Variants in ARSF observed in about 807,000 individuals in gnomAD.
ARSF encodes the protein arylsulfatase F.
ARSF carries 33 observed loss-of-function variants against 35.4 expected under a neutral mutation model. The observed-to-expected ratio is 0.93, with a 90% confidence interval of 0.71 to 1.25. The LOEUF (loss-of-function observed/expected upper bound fraction) is 1.25. ARSF is among the 50% of genes most tolerant of loss of function. ARSF has a pLI of 0.00. For synonymous variants in ARSF, 222 were observed against 193.1 expected (o/e 1.15, Z -1.24); for missense variants, 501 against 480.2 (o/e 1.04, Z -0.40).
chrX:3,042,720 A>T (rs1473136224), intron 1 of ARSF, among the ~76,000 whole-genome samples: 1 of 109,770 alleles, frequency 9.1e-6, no homozygotes, highest in African/African-American at 3.3e-5. Context: ...CTGGTCTCGA[A>T]CTCCTAACCT....
intron 10 of ARSF, among the ~76,000 whole-genome samples, chrX:3,111,879 G>T (rs1333407202): frequency 1.8e-5 from 2 of 109,947 alleles, no homozygotes; most frequent in Non-Finnish European, 3.8e-5. Flanking sequence ...CGCATGCACA[G>T]TTCACAATAG....
chrX:3,062,311 A>G (rs1264073829), intron 1 of ARSF, among the ~76,000 whole-genome samples: 1 of 112,277 alleles, frequency 8.9e-6, no homozygotes, highest in Admixed American at 9.5e-5. Flanking sequence ...CAGTGTGTAG[A>G]GGGAAATTTA....
intron 6 of ARSF, among the ~76,000 whole-genome samples, chrX:3,086,784 C>T (rs1452852578): frequency 1.1e-4 from 12 of 111,615 alleles, no homozygotes; most frequent in African/African-American, 1.6e-4. Context: ...CACCACTGCA[C>T]TCCAGTCTGG....
chrX:3,068,135 T>A (rs1163476864), intron 2 of ARSF, 24 bp downstream of exon 2: 1 of 1,187,768 alleles, frequency 8.4e-7, no homozygotes, highest in East Asian at 3.0e-5. Flanking sequence ...TATACTGCAT[T>A]GTGAGCACAT....
intron 1 of ARSF, among the ~76,000 whole-genome samples, chrX:3,053,920 C>G (rs2090007030): frequency 9.1e-6 from 1 of 109,843 alleles, no homozygotes; most frequent in Non-Finnish European, 1.9e-5. Flanking sequence ...CACCACCACA[C>G]CCGGCTAATT....
At chrX:3,111,236 T>C (rs184533862) in intron 10 of ARSF, among the ~76,000 whole-genome samples, 28 of 111,365 alleles carry the variant, frequency 2.5e-4, no homozygotes, top group Admixed American at 1.2e-3. Context: ...CTTTCATTTA[T>C]AAAAATCAAT....
chrX:3,081,738 T>A lies in ARSF; in HGVS notation c.406+725T>A, dbSNP rs775349034. On this transcript the variant is annotated intron_variant, in intron 5 of 10. Transcript: ENST00000381127. Reference sequence around the variant, plus strand: ...TGCCTGCCCGCATAGTCTCTCACCGTGTATCCTGTCATCTGCCTCTTTATT... The same window carrying A: ...TGCCTGCCCGCATAGTCTCTCACCGAGTATCCTGTCATCTGCCTCTTTATT... 6.5e-4 allele frequency among the ~76,000 whole-genome samples: 72 copies of A among 111,529 alleles called. 1 individual carries two copies. Among genetic ancestry groups the A allele is most frequent in the African/African-American group, 2.3e-3 (70 of 30,714 alleles).
At chrX:3,104,009 C>T in intron 9 of ARSF, 85 bp downstream of exon 9, 2 of 980,332 alleles carry the variant, frequency 2.0e-6, no homozygotes, top group African/African-American at 3.8e-5. Flanking sequence ...CTGACTCTAT[C>T]CTGGCAGACC....
rs182122954 is a variant in ARSF at position 3,053,622 on chromosome X, C to T, written c.-29+11959C>T. 6.4e-5 allele frequency among the ~76,000 whole-genome samples: 7 copies of T among 110,010 alleles called. No individual in the cohort carries two copies. The East Asian group carries it at 2.0e-3, about 31-fold the overall frequency. On this transcript the variant is annotated intron_variant, in intron 1 of 10. Transcript: ENST00000381127. ...TATTTTATTTATTTATTTTTTGAGACAGAGTTTCACTCTTGTCGCCCAGGC... is the reference window on the plus strand; with the variant it reads ...TATTTTATTTATTTATTTTTTGAGATAGAGTTTCACTCTTGTCGCCCAGGC...
rs762573882 is a variant in ARSF at position 3,044,665 on chromosome X, A to C, written c.-29+3002A>C. On this transcript the variant is annotated intron_variant, in intron 1 of 10. Transcript: ENST00000381127. ...AAAACCACACCGTCTGAAGTTAGTC[A>C]TGTTTATCTGTAGTCTCCAATGCTC... 5.4e-4 allele frequency among the ~76,000 whole-genome samples: 59 copies of C among 110,096 alleles called. 1 individual carries two copies. The highest frequency in any genetic ancestry group is 1.9e-3 in the African/African-American group (57 of 30,341).
chrX:3,063,714 A>T lies in ARSF; in HGVS notation c.-28-4359A>T, dbSNP rs762199141. 1.2e-3 allele frequency among the ~76,000 whole-genome samples: 132 copies of T among 111,678 alleles called. 1 individual carries two copies. The highest frequency in any genetic ancestry group is 4.1e-3 in the African/African-American group (126 of 30,753). ...TGAACTCCCATTCACAATTGCTACA[A>T]AGAGAATAAAATACCTAGGAATCCA... On this transcript the variant is annotated intron_variant, in intron 1 of 10. Transcript: ENST00000381127.
intron 1 of ARSF, among the ~76,000 whole-genome samples, chrX:3,056,662 G>A (rs1033977477): frequency 3.6e-5 from 4 of 111,428 alleles, no homozygotes; most frequent in African/African-American, 1.3e-4. Flanking sequence ...TCTTGTTGAA[G>A]AGAATGACCC....
intron 1 of ARSF, among the ~76,000 whole-genome samples, chrX:3,046,724 C>G (rs1251166211): frequency 1.8e-5 from 2 of 111,547 alleles, no homozygotes; most frequent in East Asian, 2.8e-4. Context: ...CAGATCAGGC[C>G]AGTGACCTCA....
At position 3,103,759 on chromosome X, in the gene ARSF, T is replaced by C; in HGVS notation, c.1103-3T>C. On this transcript the variant is annotated splice_region_variant and splice_polypyrimidine_tract_variant and intron_variant, in intron 8 of 10. Transcript: ENST00000381127. ...AATTGAACTTAATTGCATTGTCTTA[T>C]AGGTGGAAAAGGCATGGGGGGCTGG... 8.3e-7 allele frequency: 1 copy of C among 1,210,879 alleles called. No individual in the cohort carries two copies.
intron 1 of ARSF, among the ~76,000 whole-genome samples, chrX:3,044,277 C>T (rs181313338): frequency 4.5e-5 from 5 of 112,160 alleles, no homozygotes; most frequent in Admixed American, 1.9e-4. Flanking sequence ...ATTTCAAAAT[C>T]CTGTCCAGTG....
chrX:3,080,600 G>A (rs2090193612), intron 4 of ARSF, among the ~76,000 whole-genome samples: 1 of 111,554 alleles, frequency 9.0e-6, no homozygotes, highest in Non-Finnish European at 1.9e-5. Context: ...CAAGATCAAG[G>A]CATGCCAGAT....
chrX:3,082,716 C>T (rs139157417), intron 5 of ARSF, among the ~76,000 whole-genome samples: 6 of 111,171 alleles, frequency 5.4e-5, no homozygotes, highest in South Asian at 3.8e-4. Context: ...TTTATTTGTA[C>T]GTGTCATATT....
chrX:3,054,138 C>A (rs1732929014), intron 1 of ARSF, among the ~76,000 whole-genome samples: 1 of 111,537 alleles, frequency 9.0e-6, no homozygotes, highest in Admixed American at 9.6e-5. Context: ...CAGCTGCACA[C>A]TCACTTTACA....
chrX:3,092,900 C>T (rs756553516), intron 7 of ARSF, among the ~76,000 whole-genome samples: 34 of 112,216 alleles, frequency 3.0e-4, no homozygotes, highest in East Asian at 5.6e-4. Flanking sequence ...TGGCCGGGCG[C>T]GGTGGCTCAC....
Sources: gnomAD v4.1 joint callset for allele counts (sites outside exome capture counted in the v4.1 genomes callset) on GRCh38, gnomAD v4.1.1 for gene constraint, MANE v1.5 for transcripts, NCBI Gene and HGNC (gene_info 2026-07-23, HGNC 2026-07-21) for gene names.